Variants in ERAP2 observed in about 807,000 individuals in gnomAD.
The protein encoded by ERAP2 is endoplasmic reticulum aminopeptidase 2.
ERAP2 carries 118 observed loss-of-function variants against 111.1 expected under a neutral mutation model. The ratio of observed to expected loss-of-function variants is 1.06; its 90% CI spans 0.92 to 1.24. ERAP2 has a LOEUF of 1.24. ERAP2 is among the 50% of genes most tolerant of loss of function. The pLI is 0.00. For missense variants in ERAP2, 1,131 were observed against 1,125.8 expected, an observed-to-expected ratio of 1.00 and a Z score of -0.07; for synonymous variants, 410 against 401.2, an observed-to-expected ratio of 1.02 and a Z score of -0.26.
intron 6 of ERAP2, among the ~76,000 whole-genome samples, chr5:96,892,804 A>G (rs766317066): frequency 1.6e-4 from 24 of 152,154 alleles, no homozygotes; most frequent in Non-Finnish European, 3.4e-4. Flanking sequence ...TTCTCCTTAT[A>G]TCCCCTGGTA....
rs1301629161 is a variant in ERAP2 at position 96,917,728 on chromosome 5, G to C, written c.*123G>C. 2 of 662,014 alleles carry C rather than the reference G, an allele frequency of 3.0e-6. No individual in the cohort carries two copies. Among genetic ancestry groups the C allele is most frequent in the South Asian group, 4.4e-5 (2 of 45,152 alleles). The allele number at this position is 662,014 out of a possible 1,614,324, so 41.0% of individuals were successfully genotyped here. A position where few individuals can be genotyped will look rare whatever the true frequency, so the allele number is the denominator to read the frequency against. On this transcript the variant is annotated 3_prime_UTR_variant, in exon 19 of 19. Transcript: ENST00000437043. ...GAGACCATCCTGGCTAACACGGTGA[G>C]ACCCCGTCTCCGCTAAAAATACAAA...
intron 9 of ERAP2, 22 bp downstream of exon 9, chr5:96,896,885 G>A (rs539203809): frequency 3.9e-6 from 6 of 1,551,624 alleles, no homozygotes; most frequent in African/African-American, 1.4e-5. Flanking sequence ...GTTGGGTAAC[G>A]ATAGACTGTT....
chr5:96,898,532 A>T (rs7734264), intron 9 of ERAP2, among the ~76,000 whole-genome samples: 5,938 of 146,978 alleles, frequency 0.04, 243 homozygotes, highest in East Asian at 0.13. Context: ...GCCTGAGGTC[A>T]GTCTGGCCAA....
intron 3 of ERAP2, 130 bp from the exon 4 acceptor site, chr5:96,886,524 GC>G (rs1418748387): frequency 1.2e-5 from 7 of 590,988 alleles, no homozygotes; most frequent in South Asian, 6.4e-5. Context: ...AGAGGCCATT[GC>G]CCCCCTAGGA....
At position 96,909,008 on chromosome 5, in the gene ERAP2, T is replaced by A; in HGVS notation, c.2060T>A (p.Leu687His). 1 of 1,614,156 alleles carries A rather than the reference T, an allele frequency of 6.2e-7. No individual in the cohort carries two copies. Among genetic ancestry groups the A allele is most frequent in the Non-Finnish European group, 8.5e-7 (1 of 1,180,000 alleles). ...LDKALDMTYY[L>H]QHETSSPALL... is the part of the protein sequence containing the mutation. ...AAAGCTCTTGACATGACTTACTACC[T>A]CCAACATGAAACAAGCAGCCCCGCA... is the stretch of plus-strand genomic sequence containing the variant. Residue 687 changes from leucine to histidine, a missense_variant, in exon 14 of 19, where the codon CTC (leucine) becomes CAC (histidine). Physicochemically the swap from Leu to His is moderately conservative, Grantham distance 99. Transcript: ENST00000437043.
chr5:96,898,073 G>A (rs1785043713), intron 9 of ERAP2, among the ~76,000 whole-genome samples: 1 of 152,156 alleles, frequency 6.6e-6, no homozygotes, highest in Non-Finnish European at 1.5e-5. Context: ...GTGCTTGCCT[G>A]TAATCCCAGC....
At chr5:96,900,608 G>C (rs1019234410) in intron 10 of ERAP2, among the ~76,000 whole-genome samples, 1 of 152,042 alleles carries the variant, frequency 6.6e-6, no homozygotes, top group Non-Finnish European at 1.5e-5. Context: ...AGTCATCACA[G>C]GGGAAGAAAG....
intron 3 of ERAP2, among the ~76,000 whole-genome samples, chr5:96,885,256 T>C (rs978602829): frequency 6.6e-6 from 1 of 152,138 alleles, no homozygotes; most frequent in Non-Finnish European, 1.5e-5. Context: ...CTGAGTTTGG[T>C]CAGAAGACCA....
chr5:96,917,624 A>C lies in ERAP2; in HGVS notation c.*19A>C, dbSNP rs763188337. 45 of 1,579,496 alleles carry C rather than the reference A, an allele frequency of 2.8e-5. No individual in the cohort carries two copies. Among genetic ancestry groups the C allele is most frequent in the Non-Finnish European group, 3.8e-5 (44 of 1,157,784 alleles). ...TACTTAAATGGTCAATAGAAAAAGTAGGCTGGGCGCGGTGGCTCACGCCTG... is the reference window on the plus strand; with the variant it reads ...TACTTAAATGGTCAATAGAAAAAGTCGGCTGGGCGCGGTGGCTCACGCCTG... On this transcript the variant is annotated 3_prime_UTR_variant, in exon 19 of 19. Coordinates refer to ENST00000437043, the MANE Select transcript of ERAP2 (RefSeq NM_022350.5).
intron 16 of ERAP2, 101 bp downstream of exon 16, chr5:96,912,899 G>C: frequency 2.2e-6 from 2 of 900,528 alleles, no homozygotes; most frequent in Non-Finnish European, 3.3e-6. Flanking sequence ...TAAGATAATT[G>C]AATCAGAATG....
intron 15 of ERAP2, among the ~76,000 whole-genome samples, chr5:96,910,554 T>G (rs963463268): frequency 1.3e-5 from 2 of 152,180 alleles, no homozygotes; most frequent in African/African-American, 4.8e-5. Flanking sequence ...GTAAACATCC[T>G]ACTGCCCTAT....
chr5:96,908,664 G>C (rs572316330), intron 13 of ERAP2, among the ~76,000 whole-genome samples: 12 of 152,142 alleles, frequency 7.9e-5, no homozygotes, highest in African/African-American at 2.9e-4. Context: ...TTTGCTATGT[G>C]GTAGACATTA....
chr5:96,879,707 G>T lies in ERAP2; in HGVS notation c.22G>T (p.Val8Phe). The change falls in exon 2 of 19, where the codon GTT becomes TTT. Residue 8 changes from valine to phenylalanine, a missense_variant. Coordinates refer to ENST00000437043, the MANE Select transcript of ERAP2 (RefSeq NM_022350.5). ...TTTCATGTTCCATTCTTCTGCAATG[G>T]TTAATTCACACAGAAAACCAATGTT... The part of the protein sequence containing the change: MFHSSAM[V>F]NSHRKPMFNI... The T allele has an allele frequency of 6.2e-7, 1 of 1,614,012 alleles. No individual in the cohort carries two copies.
intron 18 of ERAP2, among the ~76,000 whole-genome samples, chr5:96,917,182 T>C (rs1227542439): frequency 1.3e-5 from 2 of 152,124 alleles, no homozygotes; most frequent in Non-Finnish European, 2.9e-5. Flanking sequence ...TCTTGGCTCA[T>C]TGTAACCTCC....
In ERAP2 at chr5:96,889,208, C is replaced by A; in HGVS notation, c.873C>A (p.Asp291Glu). 6.2e-7 allele frequency: 1 copy of A among 1,614,170 alleles called. No individual in the cohort carries two copies. Among genetic ancestry groups the A allele is most frequent in the Non-Finnish European group, 8.5e-7 (1 of 1,180,000 alleles). ...GVKVSIYASP[D>E]KRNQTHYALQ... The stretch of plus-strand genomic sequence containing the variant: ...AGGTGTCCATCTATGCATCCCCAGA[C>A]AAACGGAATCAAACACATTATGCTT... Residue 291 changes from aspartate (D) to glutamate (E), a missense_variant, in exon 5 of 19, where the codon GAC becomes GAA. This residue lies in a region of ERAP2 where 847 missense variants were observed against 856.5 expected (regional missense o/e 0.99). Transcript: ENST00000437043.
chr5:96,891,535 TACACACACACAC>T (rs140359623), intron 5 of ERAP2, among the ~76,000 whole-genome samples: 78 of 138,992 alleles, frequency 5.6e-4, no homozygotes, highest in African/African-American at 1.9e-3. Context: ...ACGGTATATA[TACACACACACAC>T]ACACACACAC....
intron 13 of ERAP2, among the ~76,000 whole-genome samples, chr5:96,904,039 A>G (rs890924081): frequency 1.3e-5 from 2 of 152,244 alleles, no homozygotes; most frequent in African/African-American, 2.4e-5. Context: ...ATACCGGTGT[A>G]ATCTCTTAAG....
At position 96,917,480 on chromosome 5, in the gene ERAP2, T is replaced by C. The variant is rs781424259; in HGVS notation, c.2758T>C (p.Ser920Pro). 33 of 1,609,584 alleles carry C rather than the reference T, an allele frequency of 2.1e-5. No homozygotes were observed. Among genetic ancestry groups the C allele is most frequent in the Non-Finnish European group, 2.6e-5 (31 of 1,178,770 alleles). Residue 920 changes from serine to proline, a missense_variant, in exon 19 of 19, where the codon TCT becomes CCT. Transcript: ENST00000437043. Reference protein sequence around the residue: ...KLQEVKLFFESLEAQGSHLDI... With the variant: ...KLQEVKLFFEPLEAQGSHLDI... ...TTTACAGGTGAAACTATTTTTTGAA[T>C]CTCTTGAGGCTCAAGGATCACATCT...
intron 1 of ERAP2, among the ~76,000 whole-genome samples, chr5:96,876,995 G>T (rs979447070): frequency 1.1e-4 from 17 of 151,978 alleles, no homozygotes; most frequent in Non-Finnish European, 2.4e-4. Context: ...TTTATTTTGA[G>T]AGAGAGCCTC....
Sources: gnomAD v4.1 joint callset for allele counts (sites outside exome capture counted in the v4.1 genomes callset) on GRCh38, gnomAD v4.1.1 for gene constraint, gnomAD v4.1.1 regional missense constraint, MANE v1.5 for transcripts, NCBI Gene and HGNC (gene_info 2026-07-23, HGNC 2026-07-21) for gene names.